SAXO5: variants seen among roughly 807,000 people sequenced by gnomAD.
SAXO5 encodes the protein stabilizer of axonemal microtubules 5.
the SAXO5 span, chr19:7,504,094 C>CTCTCTCT: frequency 1.0e-5 from 15 of 1,505,510 alleles, no homozygotes; most frequent in Middle Eastern, 5.1e-4. Flanking sequence ...CTCTCTCTCT[C>CTCTCTCT]CCCCCATCCC....
chr19:7,505,453 C>T, the SAXO5 span: 2 of 1,613,380 alleles, frequency 1.2e-6, no homozygotes, highest in Non-Finnish European at 1.7e-6. Flanking sequence ...GCCTGAGGCC[C>T]GCCCCGTCCC....
chr19:7,501,362 C>T, the SAXO5 span: 2 of 1,522,100 alleles, frequency 1.3e-6, no homozygotes, highest in Admixed American at 2.1e-5. Context: ...CACCCCACGA[C>T]GCGCGCCCGC....
At chr19:7,501,063 G>T in the SAXO5 span, 1 of 1,504,736 alleles carries the variant, frequency 6.6e-7, no homozygotes, top group East Asian at 2.7e-5. Flanking sequence ...GCGCGTGTCG[G>T]AGGCGCACCG....
the SAXO5 span, chr19:7,500,894 G>C: frequency 1.3e-6 from 2 of 1,576,982 alleles, no homozygotes; most frequent in Admixed American, 1.7e-5. Context: ...TCAAGGCCTC[G>C]CACTTCTCGC....
At chr19:7,500,730 A>G in the SAXO5 span, 2 of 1,193,524 alleles carry the variant, frequency 1.7e-6, no homozygotes, top group Admixed American at 3.7e-5. Context: ...GGCAGCAGAA[A>G]GGAGTCAAAA....
chr19:7,504,307 A>G, the SAXO5 span: 1 of 1,614,204 alleles, frequency 6.2e-7, no homozygotes, highest in Non-Finnish European at 8.5e-7. Context: ...CTGTCTGCCC[A>G]CAGGCCTCCT....
the SAXO5 span, chr19:7,505,871 G>T: frequency 7.7e-7 from 1 of 1,302,326 alleles, no homozygotes. Context: ...TGAGGGAGCT[G>T]TCCAAGGTCA....
the SAXO5 span, chr19:7,500,829 A>T: frequency 6.7e-7 from 1 of 1,487,322 alleles, no homozygotes. Flanking sequence ...CGCGATGGCC[A>T]CAGGCGCCCT....
chr19:7,497,864 A>T, the SAXO5 span, among the ~76,000 whole-genome samples: 11 of 152,044 alleles, frequency 7.2e-5, no homozygotes, highest in Non-Finnish European at 1.5e-4. Context: ...AAAAGCAGCA[A>T]ACTCAGCCAG....
chr19:7,505,632 C>T, the SAXO5 span: 1 of 1,613,268 alleles, frequency 6.2e-7, no homozygotes, highest in South Asian at 1.1e-5. Context: ...GCCAGGTGAG[C>T]AGGAAGAGCG....
At chr19:7,505,963 G>A in the SAXO5 span, 1 of 1,576,194 alleles carries the variant, frequency 6.3e-7, no homozygotes, top group Non-Finnish European at 8.6e-7. Context: ...TGGTCCTACA[G>A]CCGCCACCCC....
chr19:7,505,010 G>A, the SAXO5 span, among the ~76,000 whole-genome samples: 2 of 139,524 alleles, frequency 1.4e-5, no homozygotes, highest in Non-Finnish European at 1.5e-5. Context: ...TTGAGACGTA[G>A]TCTCGCTCTG....
chr19:7,500,797 C>A, the SAXO5 span: 4 of 1,433,998 alleles, frequency 2.8e-6, no homozygotes, highest in Non-Finnish European at 2.7e-6. Context: ...CATCTCCACC[C>A]TCTCGCAGGT....
chr19:7,499,689 T>C, the SAXO5 span: 1 of 152,084 alleles, frequency 6.6e-6, no homozygotes, highest in Non-Finnish European at 1.5e-5. Flanking sequence ...AACCTACCCT[T>C]GGCCAGGCAT....
the SAXO5 span, chr19:7,501,034 C>T: frequency 6.6e-7 from 1 of 1,520,758 alleles, no homozygotes; most frequent in Non-Finnish European, 8.8e-7. Context: ...CCAATGGACC[C>T]GCGCTGGGAC....
the SAXO5 span, chr19:7,506,947 C>A: frequency 2.4e-6 from 2 of 844,596 alleles, no homozygotes; most frequent in Non-Finnish European, 3.9e-6. Context: ...TGGTCAACTT[C>A]AGCGCTGGCC....
chr19:7,505,957 C>T, the SAXO5 span: 7 of 1,573,314 alleles, frequency 4.4e-6, no homozygotes, highest in Non-Finnish European at 6.0e-6. Flanking sequence ...GCCATGTGGT[C>T]CTACAGCCGC....
At chr19:7,507,206 A>C in the SAXO5 span, 102 of 1,370,362 alleles carry the variant, frequency 7.4e-5, no homozygotes, top group Non-Finnish European at 9.7e-5. Context: ...GAGTTATCTC[A>C]GGACGACTAT....
At chr19:7,506,969 C>T in the SAXO5 span, 1 of 1,125,596 alleles carries the variant, frequency 8.9e-7, no homozygotes, top group Non-Finnish European at 1.3e-6. Flanking sequence ...GGGCTTGGCT[C>T]TTGAACCCTT....
Sources: gnomAD v4.1 joint callset for allele counts (sites outside exome capture counted in the v4.1 genomes callset) on GRCh38, gnomAD v4.1.1 for gene constraint, MANE v1.5 for transcripts, NCBI Gene and HGNC (gene_info 2026-07-23, HGNC 2026-07-21) for gene names.